Variants in MYH3 observed in about 807,000 individuals in gnomAD.
The protein encoded by MYH3 is myosin heavy chain 3, also known as myosin-3.
In MYH3, 130 loss-of-function variants were observed where a neutral mutation model predicts 238.0. That is an observed-to-expected ratio of 0.55 (90% CI 0.47 to 0.63). The LOEUF is 0.63. MYH3 is among the 30% of genes least tolerant of loss of function. The probability of loss-of-function intolerance (pLI) is 0.00; values close to 1 mark genes in which losing one functional copy is unlikely to be tolerated. For synonymous variants in MYH3, 880 were observed against 924.1 expected, an observed-to-expected ratio of 0.95 and a Z score of 0.86; for missense variants, 1,853 against 2,374.9, an observed-to-expected ratio of 0.78 and a Z score of 4.57.
At chr17:10,670,026 G>A in the MYH3 span, among the ~76,000 whole-genome samples, 1 of 152,188 alleles carries the variant, frequency 6.6e-6, no homozygotes, top group African/African-American at 2.4e-5. This position sits in a 1 kb window ranked among gnomAD's most constrained non-coding sequence, Gnocchi z 7.0. Context: ...TTATCTCAAA[G>A]CGTGTATGTA....
Position 10,645,787 on chromosome 17 carries a change from G to A in MYH3, c.1061C>T (p.Thr354Met), listed in dbSNP as rs367706009. The change falls in exon 12 of 41, where the codon ACG (threonine) becomes ATG (methionine). Residue 354 changes from threonine (T) to methionine (M), a missense_variant. Thr to Met is a moderately conservative substitution (Grantham distance 81). Transcript: ENST00000583535. ...PEEKSGLYKL[T>M]GAVMHYGNMK... ...GTTCCCGTAGTGCATCACGGCTCCC[G>A]TCAGCTTGTAGAGCCCAGATTTCTC... 1.2e-5 allele frequency: 19 copies of A among 1,613,628 alleles called. No homozygotes were observed. Among genetic ancestry groups the A allele is most frequent in the East Asian group, 1.1e-4 (5 of 44,778 alleles).
intron 2 of MYH3, among the ~76,000 whole-genome samples, chr17:10,655,445 C>T (rs911493887): frequency 2.6e-5 from 4 of 152,202 alleles, no homozygotes; most frequent in Admixed American, 6.5e-5. Flanking sequence ...AAAATAAACA[C>T]CCTTAAAAAA....
At position 10,631,862 on chromosome 17, in the gene MYH3, T is replaced by G; in HGVS notation, c.5111A>C (p.Glu1704Ala). 1 of 1,614,132 alleles carries G rather than the reference T, an allele frequency of 6.2e-7. No homozygotes were observed. The highest frequency in any genetic ancestry group is 8.5e-7 in the Non-Finnish European group (1 of 1,180,014). The change falls in exon 35 of 41, where the codon GAA becomes GCA. Residue 1704 changes from glutamate (E) to alanine (A), a missense_variant. Glu to Ala is a moderately radical substitution (Grantham distance 107). This residue lies in a region of MYH3 where 1,044 missense variants were observed against 1,192.6 expected (regional missense o/e 0.88). Transcript: ENST00000583535. ...EQTERARKLAEQELLDSNERV... is the reference protein window; with the variant it reads ...EQTERARKLAAQELLDSNERV... Reference sequence around the variant, plus strand: ...CTCGTTGGAGTCCAGGAGCTCCTGTTCCGCCAGTTTCCGGGCCCTCTCCGT... The same window carrying G: ...CTCGTTGGAGTCCAGGAGCTCCTGTGCCGCCAGTTTCCGGGCCCTCTCCGT...
the MYH3 span, chr17:10,674,398 C>T: frequency 5.8e-5 from 15 of 260,316 alleles, no homozygotes; most frequent in South Asian, 5.7e-4. Flanking sequence ...TGCTCTCCAG[C>T]CTAGGCAACA....
chr17:10,648,728 T>G, intron 7 of MYH3, 79 bp from the exon 8 acceptor site: 1 of 1,253,456 alleles, frequency 8.0e-7, no homozygotes, highest in Non-Finnish European at 1.2e-6. Flanking sequence ...CAGGCTGCAG[T>G]GCAATGGCAC....
Position 10,642,521 on chromosome 17 carries a change from A to G in MYH3, c.1784T>C (p.Leu595Pro). Residue 595 changes from leucine to proline, a missense_variant, in exon 16 of 41, where the codon CTG becomes CCG. Physicochemically the swap from Leu to Pro is moderately conservative, Grantham distance 98. Around this residue, in one of 3 missense-constraint regions of MYH3, gnomAD observed 678 missense variants for 1,058.9 expected, o/e 0.64. Transcript: ENST00000583535. This position sits in a 1 kb window ranked among gnomAD's most constrained non-coding sequence, Gnocchi z 5.4. ...GTTCAGAGGGTCCTTGTTCTTCTCC[A>G]GCCAACCTGAGACACTGTAGTCCAC... ...GTVDYSVSGW[L>P]EKNKDPLNET... 6.2e-7 allele frequency: 1 copy of G among 1,614,230 alleles called. No individual in the cohort carries two copies.
intron 36 of MYH3, among the ~76,000 whole-genome samples, chr17:10,630,968 C>A (rs957696375): frequency 2.0e-5 from 3 of 152,218 alleles, no homozygotes; most frequent in African/African-American, 7.2e-5. Context: ...ATAACCTAAT[C>A]AATGAGGCAA....
At chr17:10,663,452 A>C in the MYH3 span, among the ~76,000 whole-genome samples, 1 of 152,274 alleles carries the variant, frequency 6.6e-6, no homozygotes, top group African/African-American at 2.4e-5. Context: ...AGAGTGCTCG[A>C]GAAGTCAAGG....
At position 10,628,641 on chromosome 17, in the gene MYH3, A is replaced by T. The variant is rs749282429; in HGVS notation, c.*12T>A. 2 of 1,614,176 alleles carry T rather than the reference A, an allele frequency of 1.2e-6. No individual in the cohort carries two copies. The highest frequency in any genetic ancestry group is 4.5e-5 in the East Asian group (2 of 44,890). ...TTTTGCATATCTTCTGTCCTGCTCC[A>T]GAAGGGCTGGCTCACTCTTCACTCT... is the stretch of plus-strand genomic sequence containing the variant. On this transcript the variant is annotated 3_prime_UTR_variant, in exon 41 of 41. Coordinates refer to ENST00000583535, the MANE Select transcript of MYH3 (RefSeq NM_002470.4).
rs1052433644 is a variant in MYH3, at chr17:10,654,069, G to A, written c.204+792C>T. Among the ~76,000 whole-genome samples, 3 of 152,102 alleles carry A rather than the reference G, an allele frequency of 2.0e-5. No individual in the cohort carries two copies. Among genetic ancestry groups the A allele is most frequent in the Non-Finnish European group, 2.9e-5 (2 of 68,020 alleles). On this transcript the variant is annotated intron_variant, in intron 3 of 40. Transcript: ENST00000583535. This position sits in a 1 kb window ranked among gnomAD's most constrained non-coding sequence, Gnocchi z 4.5. Reference sequence around the variant, plus strand: ...ACCTCCCGGGTTCACGTGCAGGGCGGTTTTTAATGCCTTTTTTCCTTCATG... The same window carrying A: ...ACCTCCCGGGTTCACGTGCAGGGCGATTTTTAATGCCTTTTTTCCTTCATG...
chr17:10,638,710 T>C (rs1441050434), intron 26 of MYH3, among the ~76,000 whole-genome samples, 163 bp downstream of exon 26: 1 of 152,216 alleles, frequency 6.6e-6, no homozygotes, highest in African/African-American at 2.4e-5. Context: ...TCAGATGTTT[T>C]GGGGAAATGG....
At chr17:10,634,811 A>G in intron 31 of MYH3, 29 bp downstream of exon 31, 10 of 1,613,896 alleles carry the variant, frequency 6.2e-6, no homozygotes, top group South Asian at 3.3e-5. Flanking sequence ...ACATCATGGC[A>G]TTCACCCAGC....
At position 10,630,268 on chromosome 17, in the gene MYH3, G is replaced by A. The variant is rs201059324; in HGVS notation, c.5457+20C>T. 3.5e-5 allele frequency: 54 copies of A among 1,554,442 alleles called. No individual in the cohort carries two copies. The highest frequency in any genetic ancestry group is 3.4e-4 in the Middle Eastern group (2 of 5,968). ...GGAGGCTGGAAAGCTCAGCGCAGGC[G>A]GGGTTCCTCCTGCACACACCCTGGT... On this transcript the variant is annotated intron_variant, in intron 37 of 40. Transcript: ENST00000583535.
chr17:10,648,680 A>C (rs2074346165), intron 7 of MYH3, 31 bp from the exon 8 acceptor site: 1 of 1,536,492 alleles, frequency 6.5e-7, no homozygotes. Flanking sequence ...AAGAAGAGGA[A>C]ACATTTTTTT....
intron 17 of MYH3, 23 bp from the exon 18 acceptor site, chr17:10,641,395 T>C (rs1227859814): frequency 6.5e-7 from 1 of 1,531,480 alleles, no homozygotes; most frequent in African/African-American, 1.4e-5. Flanking sequence ...AAAAATGACA[T>C]TTGCCATCCT....
chr17:10,635,612 G>A (rs763021977), intron 29 of MYH3, 49 bp from the exon 30 acceptor site: 1 of 1,614,180 alleles, frequency 6.2e-7, no homozygotes. Flanking sequence ...AGTGCCAGGT[G>A]CATGATACAA....
chr17:10,671,412 TGA>T, the MYH3 span, among the ~76,000 whole-genome samples: 1 of 152,152 alleles, frequency 6.6e-6, no homozygotes, highest in African/African-American at 2.4e-5. Flanking sequence ...GCTTTCCATG[TGA>T]GAGTCCATTT....
the MYH3 span, chr17:10,675,677 C>T: frequency 6.6e-6 from 1 of 152,152 alleles, no homozygotes; most frequent in Non-Finnish European, 1.5e-5. Context: ...GGTTAGTTTT[C>T]CCTGTTCTCC....
chr17:10,642,341 A>G lies in MYH3; in HGVS notation c.1889-31T>C. 6.2e-7 allele frequency: 1 copy of G among 1,613,844 alleles called. No individual in the cohort carries two copies. The highest frequency in any genetic ancestry group is 8.5e-7 in the Non-Finnish European group (1 of 1,179,724). ...AGCAATAAGGGAGGGCACGTGCTGT[A>G]GGTGAATCTAAAAGGTTTTTTGTTA... On this transcript the variant is annotated intron_variant, in intron 16 of 40. Transcript: ENST00000583535. This position sits in a 1 kb window ranked among gnomAD's most constrained non-coding sequence, Gnocchi z 5.4.
Sources: gnomAD v4.1 joint callset for allele counts (sites outside exome capture counted in the v4.1 genomes callset) on GRCh38, gnomAD v4.1.1 for gene constraint, gnomAD v4.1.1 regional missense constraint, Gnocchi (gnomAD v3.1) non-coding constraint, MANE v1.5 for transcripts, NCBI Gene and HGNC (gene_info 2026-07-23, HGNC 2026-07-21) for gene names.